LRMDA: variants seen among roughly 807,000 people sequenced by gnomAD.
The protein encoded by LRMDA is leucine rich melanocyte differentiation associated, also known as leucine-rich melanocyte differentiation-associated protein.
A neutral mutation model predicts 29.8 loss-of-function variants in LRMDA; 18 were observed. The ratio of observed to expected loss-of-function variants is 0.60; its 90% CI spans 0.42 to 0.90. The LOEUF (loss-of-function observed/expected upper bound fraction) is 0.90, where lower values mean the gene tolerates loss of function less well. LRMDA is among the 40% of genes least tolerant of loss of function. LRMDA has a pLI of 0.00. For missense variants in LRMDA, 273 were observed against 273.9 expected, an observed-to-expected ratio of 1.00 and a Z score of 0.02; for synonymous variants, 125 against 109.4, an observed-to-expected ratio of 1.14 and a Z score of -0.89.
intron 6 of LRMDA, among the ~76,000 whole-genome samples, chr10:76,553,810 C>T (rs1035485708): frequency 3.9e-5 from 6 of 152,006 alleles, no homozygotes; most frequent in African/African-American, 1.2e-4. Context: ...CAATTTCAGC[C>T]GATTCTTAGC....
intron 5 of LRMDA, among the ~76,000 whole-genome samples, chr10:76,085,024 A>G (rs997239864): frequency 6.6e-6 from 1 of 152,160 alleles, no homozygotes; most frequent in Non-Finnish European, 1.5e-5. Flanking sequence ...GAGATGCGGG[A>G]TGGGATTCAG....
chr10:76,138,044 G>GT (rs1268737137), intron 5 of LRMDA, among the ~76,000 whole-genome samples: 2 of 152,140 alleles, frequency 1.3e-5, no homozygotes, highest in African/African-American at 2.4e-5. Context: ...TTTTGCAACT[G>GT]TAGACATTTT....
At chr10:75,823,099 G>A (rs549138369) in intron 2 of LRMDA, among the ~76,000 whole-genome samples, 10 of 152,146 alleles carry the variant, frequency 6.6e-5, no homozygotes, top group Admixed American at 5.9e-4. Flanking sequence ...TACAACAAAA[G>A]CAAAAGTAGA....
In LRMDA at chr10:75,503,129, T is replaced by C. The variant is rs148119363; in HGVS notation, c.131+64635T>C. 6.2e-3 allele frequency among the ~76,000 whole-genome samples: 935 copies of C among 152,030 alleles called. 12 individuals are homozygous for C. Among genetic ancestry groups the C allele is most frequent in the African/African-American group, 0.021 (871 of 41,494 alleles). On this transcript the variant is annotated intron_variant, in intron 2 of 6. Transcript: ENST00000611255. Reference sequence around the variant, plus strand: ...TGCAAAAGCCAGGCAGGGACTGCATTCTCTAGGGAATGTCCATTTTGGACA... The same window carrying C: ...TGCAAAAGCCAGGCAGGGACTGCATCCTCTAGGGAATGTCCATTTTGGACA...
chr10:76,359,226 G>T (rs529223575), intron 6 of LRMDA, among the ~76,000 whole-genome samples: 1 of 152,164 alleles, frequency 6.6e-6, no homozygotes, highest in Non-Finnish European at 1.5e-5. Context: ...TACTTGAGTG[G>T]TTATTTCATC....
chr10:76,150,023 C>G (rs1850408974), intron 5 of LRMDA, among the ~76,000 whole-genome samples: 2 of 152,222 alleles, frequency 1.3e-5, no homozygotes, highest in Non-Finnish European at 2.9e-5. Context: ...AGGCTCATCT[C>G]TAGCCAGAAG....
chr10:76,096,382 C>G (rs1849311904), intron 5 of LRMDA, among the ~76,000 whole-genome samples: 1 of 151,914 alleles, frequency 6.6e-6, no homozygotes, highest in Non-Finnish European at 1.5e-5. Context: ...AAAAGGCCTG[C>G]CTTTCTCCTG....
At chr10:76,078,746 G>C (rs1849003309) in intron 5 of LRMDA, among the ~76,000 whole-genome samples, 1 of 152,158 alleles carries the variant, frequency 6.6e-6, no homozygotes, top group African/African-American at 2.4e-5. Context: ...TGAGGCAGGA[G>C]AATGGCGTGA....
intron 5 of LRMDA, among the ~76,000 whole-genome samples, chr10:76,133,512 C>A (rs966836541): frequency 6.6e-6 from 1 of 152,102 alleles, no homozygotes; most frequent in African/African-American, 2.4e-5. Flanking sequence ...CCCCCGGGTG[C>A]AGGTAGGGTC....
intron 2 of LRMDA, among the ~76,000 whole-genome samples, chr10:75,470,263 G>A (rs191341788): frequency 3.5e-4 from 53 of 152,316 alleles, no homozygotes; most frequent in South Asian, 2.3e-3. Context: ...TTGGGAGGCC[G>A]AGGCAGGCAG....
At chr10:76,432,903 A>C (rs866232237) in intron 6 of LRMDA, among the ~76,000 whole-genome samples, 1 of 152,184 alleles carries the variant, frequency 6.6e-6, no homozygotes, top group Non-Finnish European at 1.5e-5. Flanking sequence ...TAGCACTAGC[A>C]TGTGGTGGCC....
At chr10:75,921,996 T>G (rs905061272) in intron 2 of LRMDA, among the ~76,000 whole-genome samples, 2 of 152,224 alleles carry the variant, frequency 1.3e-5, no homozygotes, top group Non-Finnish European at 2.9e-5. Flanking sequence ...ATTGGCCTCC[T>G]TTTACTTTTT....
At chr10:75,466,368 C>T (rs1844650460) in intron 2 of LRMDA, among the ~76,000 whole-genome samples, 3 of 152,076 alleles carry the variant, frequency 2.0e-5, no homozygotes, top group Non-Finnish European at 4.4e-5. Context: ...AGTGATAGAA[C>T]CATCATTCCA....
chr10:75,781,667 A>G (rs1483062061), intron 2 of LRMDA, among the ~76,000 whole-genome samples: 1 of 152,232 alleles, frequency 6.6e-6, no homozygotes, highest in Non-Finnish European at 1.5e-5. Flanking sequence ...GATTCGATTC[A>G]CATGCAAACT....
intron 2 of LRMDA, among the ~76,000 whole-genome samples, chr10:75,834,757 G>A (rs1200868304): frequency 6.6e-6 from 1 of 152,154 alleles, no homozygotes; most frequent in African/African-American, 2.4e-5. Flanking sequence ...TTCCTTCCGA[G>A]CTCTCAGCAG....
At chr10:75,503,806 TGA>T (rs1227252257) in intron 2 of LRMDA, among the ~76,000 whole-genome samples, 1 of 152,046 alleles carries the variant, frequency 6.6e-6, no homozygotes. Flanking sequence ...GGGAAGAACC[TGA>T]GAGAGGGAGA....
chr10:76,546,124 G>A (rs1843418486), intron 6 of LRMDA, among the ~76,000 whole-genome samples: 1 of 152,110 alleles, frequency 6.6e-6, no homozygotes, highest in Non-Finnish European at 1.5e-5. Context: ...ATAAATGCTG[G>A]GGTTCAGAAT....
chr10:76,246,430 T>C (rs531839303), intron 5 of LRMDA, among the ~76,000 whole-genome samples: 9 of 152,208 alleles, frequency 5.9e-5, no homozygotes, highest in Middle Eastern at 3.4e-3. Flanking sequence ...TAACAACCTG[T>C]TTTCTTCTGC....
intron 2 of LRMDA, among the ~76,000 whole-genome samples, chr10:75,664,681 T>C (rs565617826): frequency 6.6e-6 from 1 of 152,164 alleles, no homozygotes; most frequent in Non-Finnish European, 1.5e-5. Flanking sequence ...AGGAAGTTTG[T>C]TCAGGGTGAA....
Sources: allele counts gnomAD v4.1 joint callset (sites outside exome capture counted in the v4.1 genomes callset), GRCh38; gene constraint gnomAD v4.1.1; transcripts MANE v1.5; gene names NCBI Gene and HGNC (gene_info 2026-07-23, HGNC 2026-07-21).